The following NSMCE2 variants were observed in gnomAD, a reference collection of about 807,000 sequenced individuals.
NSMCE2 encodes the protein NSE2 SUMO ligase component of SMC5/6 complex.
NSMCE2 carries 24 observed loss-of-function variants against 23.8 expected under a neutral mutation model. That is an observed-to-expected ratio of 1.01 (90% CI 0.73 to 1.42). The LOEUF is 1.42. Among genes scored for constraint, NSMCE2 ranks in the 40% most tolerant of loss-of-function variants. The probability of loss-of-function intolerance (pLI) is 0.00; values close to 1 mark genes in which losing one functional copy is unlikely to be tolerated. For missense variants in NSMCE2, 284 were observed against 296.5 expected, an observed-to-expected ratio of 0.96 and a Z score of 0.31; for synonymous variants, 92 against 94.1, an observed-to-expected ratio of 0.98 and a Z score of 0.13.
intron 5 of NSMCE2, among the ~76,000 whole-genome samples, chr8:125,355,011 T>C (rs1191778434): frequency 6.6e-6 from 1 of 152,250 alleles, no homozygotes; most frequent in East Asian, 1.9e-4. Context: ...GTAAGCTTTA[T>C]ATGAAACATA....
intron 5 of NSMCE2, among the ~76,000 whole-genome samples, chr8:125,296,392 ATTT>A (rs11410793): frequency 8.0e-6 from 1 of 125,740 alleles, no homozygotes; most frequent in African/African-American, 3.0e-5. Context: ...TGCCATGGTC[ATTT>A]TTTTTTTTTT....
intron 3 of NSMCE2, among the ~76,000 whole-genome samples, chr8:125,133,667 C>G (rs1819890840): frequency 6.6e-6 from 1 of 151,768 alleles, no homozygotes; most frequent in African/African-American, 2.4e-5. Flanking sequence ...TTGCTTGAAC[C>G]TGGGAGGCAG....
At chr8:125,319,820 C>T (rs1829352446) in intron 5 of NSMCE2, among the ~76,000 whole-genome samples, 1 of 152,160 alleles carries the variant, frequency 6.6e-6, no homozygotes, top group East Asian at 1.9e-4. Flanking sequence ...CTCAAGGAGT[C>T]ACATATATGT....
intron 3 of NSMCE2, among the ~76,000 whole-genome samples, chr8:125,120,293 A>C (rs187739120): frequency 6.6e-6 from 1 of 152,376 alleles, no homozygotes; most frequent in East Asian, 1.9e-4. Context: ...ATCAATCATC[A>C]TGTAACATTT....
At chr8:125,261,800 A>G (rs976478982) in intron 5 of NSMCE2, among the ~76,000 whole-genome samples, 1 of 151,952 alleles carries the variant, frequency 6.6e-6, no homozygotes, top group Admixed American at 6.6e-5. Context: ...AACATTTTTA[A>G]AAATCAATTG....
chr8:125,122,467 C>G (rs1295928235), intron 3 of NSMCE2, among the ~76,000 whole-genome samples: 1 of 152,174 alleles, frequency 6.6e-6, no homozygotes, highest in Admixed American at 6.6e-5. Context: ...CCCTTATACT[C>G]TATATACTCC....
intron 5 of NSMCE2, among the ~76,000 whole-genome samples, chr8:125,345,051 C>T (rs1358854174): frequency 1.3e-5 from 2 of 150,890 alleles, no homozygotes; most frequent in Non-Finnish European, 2.9e-5. Flanking sequence ...AAAACCTCCA[C>T]ATTTTTGACA....
At chr8:125,352,959 C>T (rs114290256) in intron 5 of NSMCE2, among the ~76,000 whole-genome samples, 2,414 of 152,260 alleles carry the variant, frequency 0.016, 55 homozygotes, top group African/African-American at 0.054. Context: ...CTTACTCACT[C>T]GTGACATTCT....
At chr8:125,207,476 A>G (rs555661855) in intron 5 of NSMCE2, among the ~76,000 whole-genome samples, 7 of 152,326 alleles carry the variant, frequency 4.6e-5, no homozygotes, top group African/African-American at 1.2e-4. Context: ...TTTAAAATAA[A>G]TATTAAACAT....
At chr8:125,224,497 G>A (rs1219170906) in intron 5 of NSMCE2, among the ~76,000 whole-genome samples, 3 of 152,168 alleles carry the variant, frequency 2.0e-5, no homozygotes, top group East Asian at 1.9e-4. Flanking sequence ...TGAGTTAACA[G>A]TCTAATTTCA....
intron 5 of NSMCE2, among the ~76,000 whole-genome samples, chr8:125,235,535 C>T (rs1385486002): frequency 6.6e-6 from 1 of 152,098 alleles, no homozygotes; most frequent in East Asian, 1.9e-4. Context: ...CACCTGTGTA[C>T]ACGAGAGGTT....
At chr8:125,357,616 G>A (rs1813340402) in intron 6 of NSMCE2, 96 bp from the exon 7 acceptor site, 1 of 859,094 alleles carries the variant, frequency 1.2e-6, no homozygotes, top group Non-Finnish European at 1.9e-6. Context: ...CCATGAGAAT[G>A]GGAAGTTAAA....
chr8:125,232,363 CA>C (rs35856259), intron 5 of NSMCE2, among the ~76,000 whole-genome samples: 47 of 139,420 alleles, frequency 3.4e-4, no homozygotes, highest in Admixed American at 4.3e-4. Flanking sequence ...AACTCCGTCT[CA>C]AAAAAAAAAA....
chr8:125,204,964 G>A (rs1824054722), intron 5 of NSMCE2, among the ~76,000 whole-genome samples: 1 of 152,208 alleles, frequency 6.6e-6, no homozygotes. Flanking sequence ...TAGGGCATGG[G>A]CTTTCCATGG....
chr8:125,228,619 C>G (rs914866568), intron 5 of NSMCE2, among the ~76,000 whole-genome samples: 1 of 152,132 alleles, frequency 6.6e-6, no homozygotes, highest in East Asian at 1.9e-4. Context: ...ATAGTACATT[C>G]AGAGCCAAAG....
intron 5 of NSMCE2, among the ~76,000 whole-genome samples, chr8:125,288,356 C>G (rs923910957): frequency 4.2e-4 from 64 of 152,290 alleles, no homozygotes; most frequent in African/African-American, 1.4e-3. Context: ...CCTGCATTCC[C>G]TCCCTCAGGT....
intron 4 of NSMCE2, among the ~76,000 whole-genome samples, chr8:125,163,239 A>G (rs1821714590): frequency 6.6e-6 from 1 of 152,218 alleles, no homozygotes. Context: ...TAAACAATTC[A>G]AAAATTTATA....
intron 5 of NSMCE2, among the ~76,000 whole-genome samples, chr8:125,263,014 A>G (rs896304739): frequency 2.8e-4 from 42 of 152,174 alleles, no homozygotes; most frequent in African/African-American, 9.9e-4. Flanking sequence ...CATTTCCTCC[A>G]CTTCCTGTGC....
chr8:125,336,534 A>G (rs777048080), intron 5 of NSMCE2, among the ~76,000 whole-genome samples: 1 of 152,208 alleles, frequency 6.6e-6, no homozygotes, highest in Non-Finnish European at 1.5e-5. Context: ...GATGATGAGG[A>G]TCAGAGTGGA....
Sources: gnomAD v4.1 joint callset for allele counts (sites outside exome capture counted in the v4.1 genomes callset) on GRCh38, gnomAD v4.1.1 for gene constraint, MANE v1.5 for transcripts, NCBI Gene and HGNC (gene_info 2026-07-23, HGNC 2026-07-21) for gene names.